MYCBP: variants seen among roughly 807,000 people sequenced by gnomAD.
MYCBP encodes the protein MYC binding protein.
In MYCBP, 5 loss-of-function variants were observed where a neutral mutation model predicts 16.8. The observed-to-expected ratio is 0.30, with a 90% CI of 0.16 to 0.63. MYCBP has a LOEUF of 0.63. Ranked by LOEUF, MYCBP falls within the 20% of genes least tolerant of loss-of-function variation. The pLI, the probability that MYCBP is intolerant of heterozygous loss-of-function variation, is 0.83. For synonymous variants in MYCBP, 35 were observed against 43.7 expected (o/e 0.80, Z 0.79); for missense variants, 103 against 121.8 (o/e 0.85, Z 0.73).
intron 2 of MYCBP, among the ~76,000 whole-genome samples, chr1:38,870,637 C>T (rs60963617): frequency 0.022 from 3,305 of 147,884 alleles, 126 homozygotes; most frequent in African/African-American, 0.076. Flanking sequence ...ACTAAAAATA[C>T]AAAAAATTAG....
Position 38,864,629 on chromosome 1 carries a change from T to C in MYCBP, c.*41A>G. The C allele has an allele frequency of 1.2e-6, 2 of 1,604,430 alleles. No homozygotes were observed. The highest frequency in any genetic ancestry group is 1.7e-6 in the Non-Finnish European group (2 of 1,171,286). ...TATACTATACAAACTATTCAAGTCA[T>C]ACAAAACCATTTTTCATTGTCTTTC... On this transcript the variant is annotated 3_prime_UTR_variant, in exon 5 of 5. Transcript: ENST00000397572.
In MYCBP at chr1:38,864,283, AG is replaced by A; in HGVS notation, c.*386del. The A allele has an allele frequency of 4.2e-6, 1 of 239,504 alleles. No individual in the cohort carries two copies. Among genetic ancestry groups the A allele is most frequent in the African/African-American group, 2.3e-5 (1 of 43,500 alleles). The allele number at this position is 239,504 out of a possible 1,614,324, so 14.8% of individuals were successfully genotyped here. A position where few individuals can be genotyped will look rare whatever the true frequency, so the allele number is the denominator to read the frequency against. Reference sequence around the variant, plus strand: ...GCTGCCTATAGGGAATATACAGAACAGTGTCACCTTCAAAGAATGACTGTAC... The same window carrying A: ...GCTGCCTATAGGGAATATACAGAACATGTCACCTTCAAAGAATGACTGTAC... On this transcript the variant is annotated 3_prime_UTR_variant, in exon 5 of 5. Coordinates refer to ENST00000397572, the MANE Select transcript of MYCBP (RefSeq NM_012333.5).
chr1:38,867,619 C>G lies in MYCBP; in HGVS notation c.89-9G>C, dbSNP rs1180251632. On this transcript the variant is annotated splice_polypyrimidine_tract_variant and intron_variant, in intron 2 of 4. Coordinates refer to ENST00000397572, the MANE Select transcript of MYCBP (RefSeq NM_012333.5). ...ATATAAGGCTACCAACACTGCAAAT[C>G]AAAAAGCAGAAAAAGCAACAATTGA... 1 of 1,612,938 alleles carries G rather than the reference C, an allele frequency of 6.2e-7. No individual in the cohort carries two copies. The highest frequency in any genetic ancestry group is 1.3e-5 in the African/African-American group (1 of 74,984).
At chr1:38,870,532 G>A (rs867845199) in intron 2 of MYCBP, among the ~76,000 whole-genome samples, 4 of 151,004 alleles carry the variant, frequency 2.6e-5, no homozygotes, top group African/African-American at 9.7e-5. Flanking sequence ...GGTGGCTCAC[G>A]CCTGTAATCC....
At chr1:38,868,444 G>A (rs945010252) in intron 2 of MYCBP, among the ~76,000 whole-genome samples, 3 of 152,166 alleles carry the variant, frequency 2.0e-5, no homozygotes, top group African/African-American at 7.2e-5. Context: ...ATATACTTGA[G>A]TGGTTTCATA....
At chr1:38,872,459 G>C (rs1009042877) in intron 2 of MYCBP, 1 of 152,310 alleles carries the variant, frequency 6.6e-6, no homozygotes, top group African/African-American at 2.4e-5. Context: ...ATGCCCTCGA[G>C]CTCTTTAAGC....
intron 2 of MYCBP, chr1:38,872,703 G>A (rs1642491105): frequency 5.0e-6 from 2 of 399,110 alleles, no homozygotes; most frequent in Non-Finnish European, 9.1e-6. Flanking sequence ...TAAGGTGGGA[G>A]GAATTGGGAT....
Position 38,873,339 on chromosome 1 carries a change from G to A in MYCBP, c.-34C>T, listed in dbSNP as rs1348672427. 12 of 1,598,258 alleles carry A rather than the reference G, an allele frequency of 7.5e-6. No homozygotes were observed. Among genetic ancestry groups the A allele is most frequent in the Non-Finnish European group, 1.0e-5 (12 of 1,177,828 alleles). ...CGGCAGCGGCGTAGCTGGCGCCGGA[G>A]ACCGCGACTGGCGGGTTGGGAGCAG... On this transcript the variant is annotated 5_prime_UTR_variant, in exon 1 of 5. Transcript: ENST00000397572.
intron 4 of MYCBP, among the ~76,000 whole-genome samples, chr1:38,865,984 C>T (rs982895764): frequency 1.0e-4 from 15 of 148,084 alleles, no homozygotes; most frequent in African/African-American, 3.8e-4. Context: ...TGACCATTTA[C>T]TTATAAAGAA....
chr1:38,871,192 A>G (rs1348308233), intron 2 of MYCBP, among the ~76,000 whole-genome samples: 1 of 152,154 alleles, frequency 6.6e-6, no homozygotes, highest in Admixed American at 6.5e-5. Flanking sequence ...GTGAGCCGAG[A>G]TCATGCCGCT....
intron 3 of MYCBP, 59 bp from the exon 4 acceptor site, chr1:38,867,068 A>T: frequency 6.7e-7 from 1 of 1,487,728 alleles, no homozygotes; most frequent in Non-Finnish European, 9.2e-7. Context: ...GAAATAGCAC[A>T]GAGTAGTATC....
At chr1:38,868,083 T>C (rs1256596648) in intron 2 of MYCBP, among the ~76,000 whole-genome samples, 1 of 152,306 alleles carries the variant, frequency 6.6e-6, no homozygotes, top group East Asian at 1.9e-4. Context: ...TCATGCAAAT[T>C]TGGTTGGCAC....
intron 4 of MYCBP, among the ~76,000 whole-genome samples, chr1:38,866,035 T>C (rs375451835): frequency 9.0e-5 from 12 of 132,902 alleles, no homozygotes; most frequent in African/African-American, 3.4e-4. Context: ...TACAGGTTCC[T>C]AAGAACCTCT....
chr1:38,867,281 C>T (rs1418701556), intron 3 of MYCBP, among the ~76,000 whole-genome samples: 2 of 151,916 alleles, frequency 1.3e-5, no homozygotes, highest in African/African-American at 2.4e-5. Flanking sequence ...CCCGTCTCTA[C>T]TAAAAATAAA....
intron 2 of MYCBP, among the ~76,000 whole-genome samples, chr1:38,871,448 G>A: frequency 3.5e-5 from 1 of 28,394 alleles, no homozygotes; most frequent in South Asian, 8.0e-4. Context: ...TTTTTTTTTT[G>A]GAGACAGAGT....
intron 2 of MYCBP, 30 bp from the exon 3 acceptor site, chr1:38,867,640 A>C: frequency 6.2e-7 from 1 of 1,602,222 alleles, no homozygotes; most frequent in Non-Finnish European, 8.5e-7. Flanking sequence ...AAAAGCAACA[A>C]TTGACGTATT....
At position 38,864,658 on chromosome 1, in the gene MYCBP, C is replaced by A. The variant is rs74064928; in HGVS notation, c.*12G>T. On this transcript the variant is annotated 3_prime_UTR_variant, in exon 5 of 5. Transcript: ENST00000397572. ...AAACCATTTTTCATTGTCTTTCAAA[C>A]TGAGAAGAATCCTATTCAGCACGCT... The A allele has an allele frequency of 5.6e-3, 9,074 of 1,613,646 alleles. 390 individuals are homozygous for A. In the African/African-American group the frequency reaches 0.098, roughly 17 times the overall value.
Position 38,863,781 on chromosome 1 carries a change from A to G in MYCBP, c.*889T>C, listed in dbSNP as rs1159062971. The G allele has an allele frequency of 6.6e-6, 1 of 152,638 alleles. No individual in the cohort carries two copies. Among genetic ancestry groups the G allele is most frequent in the Non-Finnish European group, 1.5e-5 (1 of 68,044 alleles). 9.5% of individuals were successfully genotyped at this position (152,638 alleles called of 1,614,324 possible). ...GATAAAATGAATTCAAGGCTAGAAA[A>G]ATACTTTGAGGGAGAAAAGCACTAT... On this transcript the variant is annotated 3_prime_UTR_variant, in exon 5 of 5. Transcript: ENST00000397572.
At chr1:38,873,205 C>A in intron 1 of MYCBP, 86 bp downstream of exon 1, 1 of 1,570,956 alleles carries the variant, frequency 6.4e-7, no homozygotes. Context: ...CCGCCCAAAC[C>A]TGCGCGCGCG....
Sources: gnomAD v4.1 joint callset for allele counts (sites outside exome capture counted in the v4.1 genomes callset) on GRCh38, gnomAD v4.1.1 for gene constraint, MANE v1.5 for transcripts, NCBI Gene and HGNC (gene_info 2026-07-23, HGNC 2026-07-21) for gene names.